MAF: variants seen among roughly 807,000 people sequenced by gnomAD.
MAF encodes the protein MAF bZIP transcription factor.
Under a neutral mutation model 22.0 loss-of-function variants are expected in MAF, and 10 were observed. The ratio of observed to expected loss-of-function variants is 0.45; its 90% CI spans 0.28 to 0.77. The LOEUF is 0.77. MAF is among the 30% of genes least tolerant of loss of function. MAF has a pLI of 0.12. For missense variants in MAF, 544 were observed against 548.4 expected, an observed-to-expected ratio of 0.99 and a Z score of 0.08; for synonymous variants, 337 against 255.8, an observed-to-expected ratio of 1.32 and a Z score of -3.03.
chr16:79,247,826 G>T, the MAF span, among the ~76,000 whole-genome samples: 1 of 152,242 alleles, frequency 6.6e-6, no homozygotes, highest in African/African-American at 2.4e-5. Context: ...TACTGTCATA[G>T]CACATCCAAA....
chr16:79,343,835 C>A, the MAF span, among the ~76,000 whole-genome samples: 3 of 152,184 alleles, frequency 2.0e-5, no homozygotes, highest in Non-Finnish European at 4.4e-5. Context: ...TCCTACCCCC[C>A]ACGGTCCCCT....
At chr16:79,539,900 G>C in the MAF span, among the ~76,000 whole-genome samples, 2 of 152,134 alleles carry the variant, frequency 1.3e-5, no homozygotes, top group South Asian at 4.1e-4. Context: ...TTTTTTCTCT[G>C]ATGAAATTAT....
At chr16:79,487,731 C>T in the MAF span, among the ~76,000 whole-genome samples, 6 of 152,180 alleles carry the variant, frequency 3.9e-5, no homozygotes, top group Admixed American at 3.3e-4. Flanking sequence ...AGACCTAATG[C>T]TTCTCAACTT....
the MAF span, among the ~76,000 whole-genome samples, chr16:79,532,236 C>G: frequency 1.3e-5 from 2 of 152,224 alleles, no homozygotes; most frequent in Non-Finnish European, 2.9e-5. Context: ...GACATGGCCC[C>G]CACTCTGGTT....
chr16:79,449,499 C>A, the MAF span, among the ~76,000 whole-genome samples: 2 of 152,208 alleles, frequency 1.3e-5, no homozygotes, highest in Non-Finnish European at 2.9e-5. Flanking sequence ...GTTTTACTTA[C>A]TACCTCTCTT....
the MAF span, chr16:79,516,060 C>T: frequency 6.7e-6 from 1 of 149,630 alleles, no homozygotes; most frequent in South Asian, 2.1e-4. Flanking sequence ...TTCCAGCTCT[C>T]CAGCAATTCT....
At chr16:79,443,547 G>A in the MAF span, among the ~76,000 whole-genome samples, 1 of 152,200 alleles carries the variant, frequency 6.6e-6, no homozygotes. Context: ...GGTTGATTTA[G>A]TAATTAATTT....
the MAF span, among the ~76,000 whole-genome samples, chr16:79,325,176 G>A: frequency 1.3e-5 from 2 of 152,132 alleles, no homozygotes. Flanking sequence ...TGGGCAACAT[G>A]TCTTTTCTTG....
chr16:79,472,789 G>A, the MAF span, among the ~76,000 whole-genome samples: 19 of 152,014 alleles, frequency 1.2e-4, no homozygotes, highest in African/African-American at 2.7e-4. Flanking sequence ...TAAATTGTAC[G>A]TCAATAATGT....
the MAF span, among the ~76,000 whole-genome samples, chr16:79,483,832 C>G: frequency 9.2e-5 from 14 of 152,116 alleles, no homozygotes; most frequent in Non-Finnish European, 1.2e-4. Context: ...AGCAAATAAG[C>G]AATGTGATGG....
chr16:79,431,721 A>T, the MAF span, among the ~76,000 whole-genome samples: 1 of 152,210 alleles, frequency 6.6e-6, no homozygotes, highest in African/African-American at 2.4e-5. Context: ...TTTCATTTGC[A>T]TCACTAGCAG....
the MAF span, among the ~76,000 whole-genome samples, chr16:79,215,198 C>G: frequency 6.6e-6 from 1 of 152,160 alleles, no homozygotes; most frequent in Non-Finnish European, 1.5e-5. Context: ...GCACCAGTGC[C>G]ACTGCTCCTT....
chr16:79,552,324 C>A, the MAF span, among the ~76,000 whole-genome samples: 1 of 152,090 alleles, frequency 6.6e-6, no homozygotes, highest in Non-Finnish European at 1.5e-5. Context: ...AGCAATCGTC[C>A]AGCCTTCCCA....
the MAF span, among the ~76,000 whole-genome samples, chr16:79,339,723 A>C: frequency 6.6e-6 from 1 of 152,238 alleles, no homozygotes; most frequent in Non-Finnish European, 1.5e-5. Flanking sequence ...AGAATGCAGT[A>C]CACCAGCTTT....
At chr16:79,246,275 A>G in the MAF span, among the ~76,000 whole-genome samples, 5 of 152,172 alleles carry the variant, frequency 3.3e-5, no homozygotes, top group African/African-American at 4.8e-5. Context: ...GTTAATGACT[A>G]CTTTGGACTG....
the MAF span, among the ~76,000 whole-genome samples, chr16:79,346,877 T>A: frequency 6.6e-6 from 1 of 152,352 alleles, no homozygotes; most frequent in South Asian, 2.1e-4. Flanking sequence ...GATGATGCTG[T>A]TAGCATTTGA....
At chr16:79,438,857 C>A in the MAF span, among the ~76,000 whole-genome samples, 1 of 152,170 alleles carries the variant, frequency 6.6e-6, no homozygotes, top group Admixed American at 6.5e-5. Flanking sequence ...TGTGTGCGCT[C>A]TGCCACACTT....
the MAF span, among the ~76,000 whole-genome samples, chr16:79,306,169 T>C: frequency 2.1e-3 from 325 of 152,296 alleles, 2 homozygotes; most frequent in African/African-American, 7.6e-3. Context: ...GATGATAAAT[T>C]CCCCTGAAAT....
At chr16:79,570,535 G>C in the MAF span, among the ~76,000 whole-genome samples, 3 of 152,276 alleles carry the variant, frequency 2.0e-5, no homozygotes, top group East Asian at 5.8e-4. Flanking sequence ...CTTACCACCA[G>C]ACTAGCAATA....
Sources: gnomAD v4.1 joint callset for allele counts (sites outside exome capture counted in the v4.1 genomes callset) on GRCh38, gnomAD v4.1.1 for gene constraint, MANE v1.5 for transcripts, NCBI Gene and HGNC (gene_info 2026-07-23, HGNC 2026-07-21) for gene names.